EDIL3: variants seen among roughly 807,000 people sequenced by gnomAD.
EDIL3 encodes EGF like and discoidin domains 3.
EDIL3 carries 37 observed loss-of-function variants against 67.4 expected under a neutral mutation model. The ratio of observed to expected loss-of-function variants is 0.55; its 90% CI spans 0.42 to 0.72. EDIL3 has a LOEUF of 0.72. Among genes scored for constraint, EDIL3 ranks in the 30% least tolerant of loss-of-function variants. The pLI is 0.00. For synonymous variants in EDIL3, 195 were observed against 196.3 expected, an observed-to-expected ratio of 0.99 and a Z score of 0.05; for missense variants, 527 against 586.3, an observed-to-expected ratio of 0.90 and a Z score of 1.04.
chr5:83,944,760 A>G (rs1223883305), intron 10 of EDIL3, among the ~76,000 whole-genome samples: 1 of 151,950 alleles, frequency 6.6e-6, no homozygotes, highest in Non-Finnish European at 1.5e-5. Flanking sequence ...TTTTTGCTTT[A>G]TGAAGCATCT....
chr5:84,129,594 T>G (rs1038398349), intron 5 of EDIL3, among the ~76,000 whole-genome samples: 1 of 152,102 alleles, frequency 6.6e-6, no homozygotes, highest in Non-Finnish European at 1.5e-5. Flanking sequence ...TTAAGTTAAA[T>G]TAGCCAATGC....
intron 3 of EDIL3, among the ~76,000 whole-genome samples, chr5:84,212,828 A>G (rs908796637): frequency 6.6e-6 from 1 of 152,150 alleles, no homozygotes; most frequent in Non-Finnish European, 1.5e-5. Flanking sequence ...CACAGGTTTC[A>G]TGGAGGGAAA....
chr5:84,211,788 A>T lies in EDIL3; in HGVS notation c.226+18067T>A, dbSNP rs981700943. On this transcript the variant is annotated intron_variant, in intron 3 of 10. Coordinates refer to ENST00000296591, the MANE Select transcript of EDIL3 (RefSeq NM_005711.5). ...TAGCCTCCAGAACTGTGAGAATTAA[A>T]AGAGTGTTGTTTTAAGCCACAGAGG... Among the ~76,000 whole-genome samples, 39 of 152,188 alleles carry T rather than the reference A, an allele frequency of 2.6e-4. 1 individual carries two copies. The highest frequency in any genetic ancestry group is 8.0e-4 in the African/African-American group (33 of 41,446).
At chr5:84,230,574 A>G (rs1744553178) in intron 2 of EDIL3, among the ~76,000 whole-genome samples, 1 of 151,870 alleles carries the variant, frequency 6.6e-6, no homozygotes, top group South Asian at 2.1e-4. Context: ...CACCTGGCTA[A>G]TGTTGTACTT....
At chr5:84,311,560 T>A (rs1450675911) in intron 1 of EDIL3, among the ~76,000 whole-genome samples, 2 of 151,868 alleles carry the variant, frequency 1.3e-5, no homozygotes, top group African/African-American at 4.8e-5. Flanking sequence ...TGTCCAGTTT[T>A]TTTTTTTATT....
rs1272728999 is a variant in EDIL3, at chr5:84,035,215, C to T, written c.1137+25085G>A. Among the ~76,000 whole-genome samples the T allele has an allele frequency of 3.9e-5, 6 of 151,920 alleles. No individual in the cohort carries two copies. In the East Asian group the frequency reaches 7.7e-4, roughly 20 times the overall value. ...TATTCTAGACTTGATGCAACTTTAG[C>T]GGTACCAGGGAGCAAAGTTCATCCT... On this transcript the variant is annotated intron_variant, in intron 9 of 10. Transcript: ENST00000296591.
chr5:84,189,084 G>A (rs1045767542), intron 3 of EDIL3, among the ~76,000 whole-genome samples: 3 of 151,886 alleles, frequency 2.0e-5, no homozygotes, highest in Admixed American at 1.3e-4. Context: ...TATTAGAATC[G>A]GCTGGCAAAG....
intron 9 of EDIL3, among the ~76,000 whole-genome samples, chr5:83,973,182 T>TCACCACCC (rs1744821656): frequency 6.6e-6 from 1 of 152,084 alleles, no homozygotes; most frequent in Non-Finnish European, 1.5e-5. Context: ...CTGATTTTGA[T>TCACCACCC]TAGTCTGGGG....
At chr5:84,210,264 T>C (rs1744090663) in intron 3 of EDIL3, among the ~76,000 whole-genome samples, 1 of 152,114 alleles carries the variant, frequency 6.6e-6, no homozygotes, top group African/African-American at 2.4e-5. Context: ...TAACTGATAA[T>C]ACTGAAATGA....
chr5:84,294,697 A>G (rs2650472), intron 1 of EDIL3, among the ~76,000 whole-genome samples: 49,091 of 152,010 alleles, frequency 0.32, 8,180 homozygotes, highest in Non-Finnish European at 0.35. Context: ...TGTAGATTGC[A>G]CAGTTAGGAA....
rs568648738 is a variant in EDIL3 at position 84,037,515 on chromosome 5, T to C, written c.1137+22785A>G. ...ATATGTTTTGCATTTATTCGACCCA[T>C]TTTTAAAAACCACCTGGAAAGTTAA... On this transcript the variant is annotated intron_variant, in intron 9 of 10. Transcript: ENST00000296591. Among the ~76,000 whole-genome samples the C allele has an allele frequency of 1.9e-3, 285 of 152,318 alleles. 1 individual carries two copies. Among genetic ancestry groups the C allele is most frequent in the African/African-American group, 6.6e-3 (276 of 41,578 alleles).
At chr5:84,037,333 C>T (rs1466221955) in intron 9 of EDIL3, among the ~76,000 whole-genome samples, 1 of 152,074 alleles carries the variant, frequency 6.6e-6, no homozygotes, top group Non-Finnish European at 1.5e-5. Flanking sequence ...CTTTGTAGTT[C>T]TATGCACATT....
chr5:84,102,115 A>T (rs1297524517), intron 6 of EDIL3, among the ~76,000 whole-genome samples: 1 of 152,106 alleles, frequency 6.6e-6, no homozygotes, highest in African/African-American at 2.4e-5. Context: ...AATAAAATTT[A>T]ACACCTCTCA....
At chr5:84,158,163 A>T (rs1036487151) in intron 4 of EDIL3, among the ~76,000 whole-genome samples, 4 of 152,096 alleles carry the variant, frequency 2.6e-5, no homozygotes, top group African/African-American at 4.8e-5. Context: ...TGACTGGTTT[A>T]TAAATCCATC....
At chr5:83,993,445 A>G (rs1257610608) in intron 9 of EDIL3, among the ~76,000 whole-genome samples, 1 of 152,232 alleles carries the variant, frequency 6.6e-6, no homozygotes, top group Non-Finnish European at 1.5e-5. Flanking sequence ...TGACTTAAAA[A>G]ATCAAAGTAT....
intron 1 of EDIL3, among the ~76,000 whole-genome samples, chr5:84,278,802 T>A (rs556032243): frequency 1.1e-3 from 161 of 150,250 alleles, no homozygotes; most frequent in Non-Finnish European, 2.0e-3. Flanking sequence ...GTATTCCCCA[T>A]CCTGACTCCT....
At chr5:84,234,230 GC>G (rs557168087) in intron 2 of EDIL3, among the ~76,000 whole-genome samples, 97 of 152,300 alleles carry the variant, frequency 6.4e-4, no homozygotes, top group African/African-American at 2.2e-3. Flanking sequence ...TTACCACCAT[GC>G]TTTGATACAA....
chr5:84,002,288 T>C (rs1473905850), intron 9 of EDIL3, among the ~76,000 whole-genome samples: 1 of 150,888 alleles, frequency 6.6e-6, no homozygotes, highest in Non-Finnish European at 1.5e-5. Flanking sequence ...CCTCAACATA[T>C]AATAATAAAA....
At chr5:84,219,555 G>A (rs552509817) in intron 3 of EDIL3, among the ~76,000 whole-genome samples, 5 of 152,202 alleles carry the variant, frequency 3.3e-5, no homozygotes, top group African/African-American at 1.2e-4. Flanking sequence ...ACAATTTGGA[G>A]GTTCCTCAAA....
Sources: allele counts gnomAD v4.1 joint callset (sites outside exome capture counted in the v4.1 genomes callset), GRCh38; gene constraint gnomAD v4.1.1; transcripts MANE v1.5; gene names NCBI Gene and HGNC (gene_info 2026-07-23, HGNC 2026-07-21).